The following PLCL1 variants were observed in gnomAD, a reference collection of about 807,000 sequenced individuals.
PLCL1 encodes the protein phospholipase C like 1 (inactive), also known as inactive phospholipase C-like protein 1.
PLCL1 carries 41 observed loss-of-function variants against 84.4 expected under a neutral mutation model. That is an observed-to-expected ratio of 0.49 (90% CI 0.38 to 0.63). The LOEUF is 0.63. Among genes scored for constraint, PLCL1 ranks in the 30% least tolerant of loss-of-function variants. The probability of loss-of-function intolerance (pLI) is 0.00; values close to 1 mark genes in which losing one functional copy is unlikely to be tolerated. For missense variants in PLCL1, 1,206 were observed against 1,367.8 expected, an observed-to-expected ratio of 0.88 and a Z score of 1.87; for synonymous variants, 490 against 488.3, an observed-to-expected ratio of 1.00 and a Z score of -0.05.
chr2:197,898,435 A>G (rs1340738048), intron 1 of PLCL1, among the ~76,000 whole-genome samples: 1 of 152,092 alleles, frequency 6.6e-6, no homozygotes, highest in Non-Finnish European at 1.5e-5. Flanking sequence ...CTCTAAGTGT[A>G]CTTTGTTTTA....
At chr2:197,993,197 A>T (rs1690377899) in intron 1 of PLCL1, among the ~76,000 whole-genome samples, 1 of 152,138 alleles carries the variant, frequency 6.6e-6, no homozygotes, top group Non-Finnish European at 1.5e-5. Context: ...TTATAATAGC[A>T]ATCCTAATGG....
chr2:197,859,243 C>T (rs1329762908), intron 1 of PLCL1, among the ~76,000 whole-genome samples: 3 of 152,096 alleles, frequency 2.0e-5, no homozygotes, highest in African/African-American at 7.2e-5. Context: ...TACCTTGCTT[C>T]TTATTTCTGC....
chr2:198,069,462 C>T (rs1185837741), intron 1 of PLCL1, among the ~76,000 whole-genome samples: 1 of 152,136 alleles, frequency 6.6e-6, no homozygotes, highest in African/African-American at 2.4e-5. Context: ...GCACTCCAGC[C>T]TGAGTGACAG....
intron 5 of PLCL1, among the ~76,000 whole-genome samples, chr2:198,110,213 G>T (rs1440503191): frequency 6.6e-6 from 1 of 151,772 alleles, no homozygotes; most frequent in Admixed American, 6.6e-5. Flanking sequence ...CCATGATTCT[G>T]GGCTGCTTTT....
chr2:197,813,290 A>G (rs1371194876), intron 1 of PLCL1, among the ~76,000 whole-genome samples: 1 of 152,120 alleles, frequency 6.6e-6, no homozygotes, highest in East Asian at 1.9e-4. Flanking sequence ...TCCCCATATA[A>G]CATACCCCAT....
At chr2:198,001,574 C>T (rs914530719) in intron 1 of PLCL1, among the ~76,000 whole-genome samples, 2 of 152,162 alleles carry the variant, frequency 1.3e-5, no homozygotes, top group African/African-American at 4.8e-5. Context: ...TGTTCTCTTC[C>T]CTTTCTGGCT....
chr2:197,942,004 A>G lies in PLCL1; in HGVS notation c.240+136665A>G, dbSNP rs537170542. Among the ~76,000 whole-genome samples, 107 of 152,254 alleles carry G rather than the reference A, an allele frequency of 7.0e-4. 1 individual carries two copies. Among genetic ancestry groups the G allele is most frequent in the Non-Finnish European group, 9.7e-4 (66 of 68,006 alleles). ...TGTTTCAGTTGGTGATTCTTGGTGC[A>G]GTCAGCCTTCCTTCACTCTTTTCTC... On this transcript the variant is annotated intron_variant, in intron 1 of 5. Coordinates refer to ENST00000428675, the MANE Select transcript of PLCL1 (RefSeq NM_006226.4).
intron 1 of PLCL1, among the ~76,000 whole-genome samples, chr2:197,947,540 A>G (rs751812182): frequency 2.6e-5 from 4 of 152,168 alleles, no homozygotes; most frequent in Non-Finnish European, 5.9e-5. Flanking sequence ...AGAAGCAACC[A>G]TTCATGTGAA....
At chr2:198,109,261 C>T (rs1327403059) in intron 5 of PLCL1, among the ~76,000 whole-genome samples, 1 of 151,742 alleles carries the variant, frequency 6.6e-6, no homozygotes, top group Admixed American at 6.6e-5. Flanking sequence ...AACGGTGTCT[C>T]CTCAAATGGC....
chr2:197,810,483 G>A (rs920406645), intron 1 of PLCL1, among the ~76,000 whole-genome samples: 5 of 152,212 alleles, frequency 3.3e-5, no homozygotes, highest in South Asian at 2.1e-4. Flanking sequence ...GGGGTTAAAC[G>A]TGCATTGTGA....
intron 1 of PLCL1, among the ~76,000 whole-genome samples, chr2:197,832,060 TC>T (rs1270035525): frequency 3.3e-5 from 5 of 151,996 alleles, no homozygotes; most frequent in African/African-American, 1.2e-4. Context: ...GTGGGGAAGA[TC>T]TAAAATCGAC....
intron 1 of PLCL1, among the ~76,000 whole-genome samples, chr2:197,807,702 A>T (rs142088353): frequency 4.4e-4 from 67 of 152,322 alleles, no homozygotes; most frequent in African/African-American, 1.6e-3. Flanking sequence ...TTTTTTTTAA[A>T]TTTGGCATTG....
At chr2:198,011,614 G>A (rs558539287) in intron 1 of PLCL1, among the ~76,000 whole-genome samples, 1 of 152,152 alleles carries the variant, frequency 6.6e-6, no homozygotes, top group African/African-American at 2.4e-5. Flanking sequence ...ATATATATCT[G>A]TAGACCCAGT....
rs187852446 is a variant in PLCL1, at chr2:197,928,278, G to A, written c.240+122939G>A. Among the ~76,000 whole-genome samples, 333 of 152,156 alleles carry A rather than the reference G, an allele frequency of 2.2e-3. 3 individuals carry two copies. Among genetic ancestry groups the A allele is most frequent in the African/African-American group, 7.5e-3 (310 of 41,522 alleles). On this transcript the variant is annotated intron_variant, in intron 1 of 5. Coordinates refer to ENST00000428675, the MANE Select transcript of PLCL1 (RefSeq NM_006226.4). The stretch of plus-strand genomic sequence containing the variant: ...TCACTCAACATGACTTAATTGTCAT[G>A]GTTAAATCTCCTTGACTCTGTACTC...
At chr2:197,910,670 C>T (rs1272596125) in intron 1 of PLCL1, among the ~76,000 whole-genome samples, 6 of 152,246 alleles carry the variant, frequency 3.9e-5, no homozygotes, top group East Asian at 1.9e-4. Context: ...CCTTTATTCC[C>T]GGCAACCCGA....
At chr2:197,998,070 G>A (rs1312747808) in intron 1 of PLCL1, among the ~76,000 whole-genome samples, 1 of 152,090 alleles carries the variant, frequency 6.6e-6, no homozygotes, top group Non-Finnish European at 1.5e-5. Context: ...GAGTGGTGGA[G>A]AGTGATATGG....
intron 1 of PLCL1, among the ~76,000 whole-genome samples, chr2:197,865,291 A>G (rs700693): frequency 0.52 from 78,388 of 152,038 alleles, 21,130 homozygotes; most frequent in African/African-American, 0.66. Flanking sequence ...TATAGGTTGT[A>G]TATTATAAGG....
intron 1 of PLCL1, among the ~76,000 whole-genome samples, chr2:197,879,910 G>A (rs971407796): frequency 6.6e-6 from 1 of 152,128 alleles, no homozygotes; most frequent in African/African-American, 2.4e-5. Context: ...TGAATGTGAA[G>A]GTAATTAGTA....
At chr2:197,844,958 T>C (rs1436858419) in intron 1 of PLCL1, among the ~76,000 whole-genome samples, 2 of 152,080 alleles carry the variant, frequency 1.3e-5, no homozygotes, top group African/African-American at 4.8e-5. Context: ...TGCAAGGATA[T>C]TGGAGGACAG....
Sources: gnomAD v4.1 joint callset for allele counts (sites outside exome capture counted in the v4.1 genomes callset) on GRCh38, gnomAD v4.1.1 for gene constraint, MANE v1.5 for transcripts, NCBI Gene and HGNC (gene_info 2026-07-23, HGNC 2026-07-21) for gene names.